Variants in DUOX1 observed in about 807,000 individuals in gnomAD.
DUOX1 encodes the protein NADPH thyroid oxidase 1.
Under a neutral mutation model 181.8 loss-of-function variants are expected in DUOX1, and 134 were observed. The observed-to-expected ratio is 0.74, with a 90% confidence interval of 0.64 to 0.85. The LOEUF (loss-of-function observed/expected upper bound fraction) is 0.85. DUOX1 is among the 40% of genes least tolerant of loss of function. The pLI, the probability that DUOX1 is intolerant of heterozygous loss-of-function variation, is 0.00. For missense variants in DUOX1, 1,814 were observed against 2,064.4 expected, an observed-to-expected ratio of 0.88 and a Z score of 2.35; for synonymous variants, 798 against 832.5, an observed-to-expected ratio of 0.96 and a Z score of 0.71.
intron 25 of DUOX1, 72 bp from the exon 26 acceptor site, chr15:45,153,308 G>T (rs1476761380): frequency 1.7e-6 from 2 of 1,207,604 alleles, no homozygotes; most frequent in Non-Finnish European, 1.2e-6. Flanking sequence ...CAGGGTCCTC[G>T]ATCTTGGGCT....
At chr15:45,132,254 G>C (rs781268467) in intron 2 of DUOX1, among the ~76,000 whole-genome samples, 18 of 152,162 alleles carry the variant, frequency 1.2e-4, no homozygotes, top group Non-Finnish European at 2.4e-4. Context: ...GCTGCTGTCA[G>C]CACTTTCTCT....
At chr15:45,156,080 T>C in intron 28 of DUOX1, 151 bp downstream of exon 28, 1 of 1,122,440 alleles carries the variant, frequency 8.9e-7, no homozygotes, top group Non-Finnish European at 1.3e-6. Context: ...GAGATGATAG[T>C]ACAGGGCTCT....
rs76605732 is a variant in DUOX1 at position 45,152,507 on chromosome 15, G to A, written c.3415G>A (p.Val1139Ile). 122 of 1,613,842 alleles carry A rather than the reference G, an allele frequency of 7.6e-5. No homozygotes were observed. In the African/African-American group the frequency reaches 1.5e-3, roughly 19 times the overall value. ...TCGCCTCATTGCCTCCACCGCCATC[G>A]TCCTCACAGGCAGGGCCTGGGTGTC... ...FHRLIASTAI[V>I]LTVLHSVGHV... The change falls in exon 25 of 34, where the codon GTC (valine) becomes ATC (isoleucine). Residue 1139 changes from valine (V) to isoleucine (I), a missense_variant. Physicochemically the swap from Val to Ile is conservative, Grantham distance 29. Around this residue, in one of 5 missense-constraint regions of DUOX1, gnomAD observed 1,064 missense variants for 1,152.9 expected, o/e 0.92. Coordinates refer to ENST00000389037, the MANE Select transcript of DUOX1 (RefSeq NM_175940.3).
At chr15:45,156,154 A>T (rs984715583) in intron 28 of DUOX1, among the ~76,000 whole-genome samples, 2 of 152,196 alleles carry the variant, frequency 1.3e-5, no homozygotes, top group African/African-American at 4.8e-5. Flanking sequence ...GTTTTGCAGT[A>T]GCAGCCCTGC....
intron 28 of DUOX1, among the ~76,000 whole-genome samples, chr15:45,157,345 G>A (rs768071823): frequency 7.2e-5 from 11 of 152,174 alleles, no homozygotes; most frequent in Non-Finnish European, 1.5e-4. Context: ...TACTGCTTCT[G>A]TTGGGGGTGG....
intron 27 of DUOX1, among the ~76,000 whole-genome samples, chr15:45,154,644 G>A (rs1396681769): frequency 6.7e-6 from 1 of 149,280 alleles, no homozygotes; most frequent in Non-Finnish European, 1.5e-5. Context: ...AACTTCAGAG[G>A]GTGCTTGCTA....
At chr15:45,137,848 C>G (rs1896368096) in intron 9 of DUOX1, 76 bp from the exon 10 acceptor site, 1 of 1,224,648 alleles carries the variant, frequency 8.2e-7, no homozygotes, top group African/African-American at 1.5e-5. Context: ...TGGATACCGC[C>G]TCAGAGACCA....
chr15:45,164,084 G>A (rs1413942613), intron 33 of DUOX1, among the ~76,000 whole-genome samples, 166 bp downstream of exon 33: 3 of 152,176 alleles, frequency 2.0e-5, no homozygotes, highest in Non-Finnish European at 4.4e-5. Flanking sequence ...GTCACCCTTA[G>A]GTGCTAAAGG....
intron 23 of DUOX1, 107 bp downstream of exon 23, chr15:45,151,355 AG>A: frequency 1.4e-6 from 2 of 1,424,916 alleles, no homozygotes; most frequent in Non-Finnish European, 1.9e-6. Flanking sequence ...GGGTACAGGC[AG>A]GGTGAATAGT....
chr15:45,154,570 G>T (rs1896919774), intron 27 of DUOX1, among the ~76,000 whole-genome samples: 1 of 147,180 alleles, frequency 6.8e-6, no homozygotes, highest in South Asian at 2.2e-4. Context: ...TTCTATACTG[G>T]CTCCTCTCTG....
intron 14 of DUOX1, 37 bp downstream of exon 14, chr15:45,141,447 C>T (rs1896490262): frequency 3.1e-6 from 5 of 1,603,262 alleles, no homozygotes; most frequent in African/African-American, 1.3e-5. Context: ...AGTGGTGGGT[C>T]TGGAGCCTCG....
chr15:45,149,482 T>C (rs531589060), intron 21 of DUOX1, among the ~76,000 whole-genome samples: 7 of 152,286 alleles, frequency 4.6e-5, no homozygotes, highest in Non-Finnish European at 1.5e-5. Context: ...TGAGGAAGAT[T>C]AGCACTGAGT....
intron 25 of DUOX1, 84 bp downstream of exon 25, chr15:45,152,600 T>G: frequency 7.8e-7 from 1 of 1,274,016 alleles, no homozygotes; most frequent in Non-Finnish European, 1.1e-6. Flanking sequence ...CCCTCTCTGC[T>G]GGCACTTACC....
chr15:45,154,600 T>TTG (rs1215855201), intron 27 of DUOX1, among the ~76,000 whole-genome samples: 3 of 151,524 alleles, frequency 2.0e-5, no homozygotes, highest in Non-Finnish European at 2.9e-5. Flanking sequence ...GCATGGTTTT[T>TTG]TTTTTTTTTT....
intron 23 of DUOX1, 37 bp downstream of exon 23, chr15:45,151,285 T>C (rs1241459816): frequency 6.2e-7 from 1 of 1,603,764 alleles, no homozygotes; most frequent in Non-Finnish European, 8.5e-7. Flanking sequence ...AGGCAGTTCA[T>C]CCATTCCTTC....
intron 18 of DUOX1, 42 bp downstream of exon 18, chr15:45,145,122 G>A: frequency 3.3e-6 from 5 of 1,507,208 alleles, no homozygotes; most frequent in Non-Finnish European, 4.5e-6. Context: ...CTGTGGTGGT[G>A]TCCTTACCTG....
At chr15:45,162,468 G>A in intron 31 of DUOX1, 91 bp downstream of exon 31, 1 of 1,524,224 alleles carries the variant, frequency 6.6e-7, no homozygotes, top group South Asian at 1.3e-5. Context: ...CTTTGTTCTT[G>A]GCTTCCCTGA....
In DUOX1 at chr15:45,164,983, G is replaced by A; in HGVS notation, c.*82G>A. 1 of 1,501,780 alleles carries A rather than the reference G, an allele frequency of 6.7e-7. No individual in the cohort carries two copies. The highest frequency in any genetic ancestry group is 9.2e-7 in the Non-Finnish European group (1 of 1,090,278). The allele number at this position is 1,501,780 out of a possible 1,614,324, so 93.0% of individuals were successfully genotyped here. On this transcript the variant is annotated 3_prime_UTR_variant, in exon 34 of 34. Transcript: ENST00000389037. ...CTCACCTCTGTTCTTCCTATTTCTG[G>A]CTGCCTCAGCCTTCTCTGATTTCCC... is the stretch of plus-strand genomic sequence containing the variant.
intron 31 of DUOX1, 117 bp from the exon 32 acceptor site, chr15:45,163,415 T>C: frequency 7.0e-7 from 1 of 1,426,570 alleles, no homozygotes; most frequent in South Asian, 1.3e-5. Context: ...CTCCCCAGGC[T>C]GTCTAGGGAA....
Sources: allele counts gnomAD v4.1 joint callset (sites outside exome capture counted in the v4.1 genomes callset), GRCh38; gene constraint gnomAD v4.1.1; regional missense constraint gnomAD v4.1.1; transcripts MANE v1.5; gene names NCBI Gene and HGNC (gene_info 2026-07-23, HGNC 2026-07-21).